The following SYNE1 variants were observed in gnomAD, a reference collection of about 807,000 sequenced individuals.
The protein encoded by SYNE1 is nesprin-1.
A neutral mutation model predicts 1,111.0 loss-of-function variants in SYNE1; 616 were observed. The ratio of observed to expected loss-of-function variants is 0.55; its 90% CI spans 0.52 to 0.59. The LOEUF is 0.59. Among genes scored for constraint, SYNE1 ranks in the 20% least tolerant of loss-of-function variants. The probability of loss-of-function intolerance (pLI) is 0.00; values close to 1 mark genes in which losing one functional copy is unlikely to be tolerated. For missense variants in SYNE1, 10,006 were observed against 10,417.0 expected (o/e 0.96, Z 1.72); for synonymous variants, 3,855 against 3,825.8 (o/e 1.01, Z -0.28).
chr6:152,176,014 ATT>A (rs3215782), intron 130 of SYNE1, among the ~76,000 whole-genome samples: 56 of 142,484 alleles, frequency 3.9e-4, no homozygotes, highest in Admixed American at 4.2e-4. Context: ...AGATTTAGTA[ATT>A]TTTTTTTTTT....
At chr6:152,598,790 A>G (rs1369196021) in intron 3 of SYNE1, among the ~76,000 whole-genome samples, 1 of 152,206 alleles carries the variant, frequency 6.6e-6, no homozygotes, top group Non-Finnish European at 1.5e-5. Flanking sequence ...TATACATTCA[A>G]TATGTGATCT....
In SYNE1 at chr6:152,573,856, C is replaced by G. The variant is rs149270127; in HGVS notation, c.68-33835G>C. Among the ~76,000 whole-genome samples the G allele has an allele frequency of 4.3e-4, 66 of 152,238 alleles. No homozygotes were observed. The East Asian group carries it at 0.012, about 27-fold the overall frequency. ...AGTATGCATCATATACAGCAAACTTCTATGACTAAGAAACAAAACAGGTTC... is the reference window on the plus strand; with the variant it reads ...AGTATGCATCATATACAGCAAACTTGTATGACTAAGAAACAAAACAGGTTC... On this transcript the variant is annotated intron_variant, in intron 3 of 145. Transcript: ENST00000367255.
chr6:152,616,400 T>C (rs902682174), intron 3 of SYNE1, among the ~76,000 whole-genome samples: 2 of 152,030 alleles, frequency 1.3e-5, no homozygotes, highest in Non-Finnish European at 2.9e-5. Context: ...TAGTGAGACC[T>C]CGTCTCTACA....
At chr6:152,137,787 A>T (rs2152762799) in intron 140 of SYNE1, among the ~76,000 whole-genome samples, 1 of 152,336 alleles carries the variant, frequency 6.6e-6, no homozygotes, top group East Asian at 1.9e-4. Flanking sequence ...GAATAGATTC[A>T]ACCACACAGA....
intron 47 of SYNE1, among the ~76,000 whole-genome samples, chr6:152,400,221 T>TA (rs77663853): frequency 0.026 from 3,755 of 144,112 alleles, 63 homozygotes; most frequent in Non-Finnish European, 0.038. Flanking sequence ...GTAGTTAATT[T>TA]AAAAAAAAAA....
At chr6:152,320,539 T>C (rs1409861915) in intron 84 of SYNE1, among the ~76,000 whole-genome samples, 2 of 152,198 alleles carry the variant, frequency 1.3e-5, no homozygotes, top group African/African-American at 4.8e-5. Flanking sequence ...CTATTATATT[T>C]CCATACAGAT....
chr6:152,419,688 G>C lies in SYNE1; in HGVS notation c.5302C>G (p.Gln1768Glu). The change falls in exon 40 of 146, where the codon CAG becomes GAG. Residue 1768 changes from glutamine (Q) to glutamate (E), a missense_variant. Gln to Glu is a conservative substitution (Grantham distance 29, BLOSUM62 2). Transcript: ENST00000367255. Reference sequence around the variant, plus strand: ...GAAAGCAGCAGCTCATCAAATTGCTGGTGTTCAGCAACCACAGACTGAAGA... The same window carrying C: ...GAAAGCAGCAGCTCATCAAATTGCTCGTGTTCAGCAACCACAGACTGAAGA... ...NFLQSVVAEH[Q>E]QFDELLLSFS... 6.2e-7 allele frequency: 1 copy of C among 1,614,028 alleles called. No homozygotes were observed. Among genetic ancestry groups the C allele is most frequent in the Non-Finnish European group, 8.5e-7 (1 of 1,179,968 alleles).
intron 62 of SYNE1, among the ~76,000 whole-genome samples, chr6:152,366,400 A>G (rs1270696298): frequency 6.7e-6 from 1 of 150,230 alleles, no homozygotes; most frequent in Admixed American, 6.6e-5. Flanking sequence ...AGTGGCTCAC[A>G]CCTGTAATCC....
intron 3 of SYNE1, among the ~76,000 whole-genome samples, chr6:152,576,199 G>A (rs1436587347): frequency 2.0e-5 from 3 of 152,140 alleles, no homozygotes; most frequent in African/African-American, 7.2e-5. Flanking sequence ...TGTATCTATA[G>A]GATATAAATA....
At chr6:152,374,053 C>T (rs1014331711) in intron 58 of SYNE1, among the ~76,000 whole-genome samples, 1 of 152,118 alleles carries the variant, frequency 6.6e-6, no homozygotes, top group African/African-American at 2.4e-5. Context: ...CAAATAAATG[C>T]TATTAAATGG....
intron 45 of SYNE1, among the ~76,000 whole-genome samples, 189 bp downstream of exon 45, chr6:152,406,825 G>A (rs904647625): frequency 2.0e-5 from 3 of 151,818 alleles, no homozygotes; most frequent in Non-Finnish European, 4.4e-5. Context: ...CCGAGATCTG[G>A]AGCACCACTG....
chr6:152,323,355 C>T lies in SYNE1; in HGVS notation c.15917+123G>A, dbSNP rs375509368. On this transcript the variant is annotated intron_variant, in intron 82 of 145. Transcript: ENST00000367255. ...CAGAGAGGCTGAGGCAGGAGAATGG[C>T]GTGAACCCGGGAGGCGGAGCTTGCA... 1.2e-4 allele frequency: 171 copies of T among 1,419,140 alleles called. No homozygotes were observed. The African/African-American group carries it at 1.9e-3, about 16-fold the overall frequency. The allele number at this position is 1,419,140 out of a possible 1,614,324, so 87.9% of individuals were successfully genotyped here. A position where few individuals can be genotyped will look rare whatever the true frequency, so the allele number is the denominator to read the frequency against.
chr6:152,525,928 T>G, intron 5 of SYNE1, 152 bp downstream of exon 5: 1 of 709,230 alleles, frequency 1.4e-6, no homozygotes, highest in South Asian at 1.6e-5. Flanking sequence ...CACCTAGAAG[T>G]AGAAGTGCCA....
At chr6:152,543,877 A>G (rs1365008622) in intron 3 of SYNE1, among the ~76,000 whole-genome samples, 3 of 152,222 alleles carry the variant, frequency 2.0e-5, no homozygotes, top group Non-Finnish European at 4.4e-5. Flanking sequence ...GTAATAGGCT[A>G]TATCATGTAG....
intron 87 of SYNE1, chr6:152,315,199 T>C (rs9478312): frequency 6.5e-5 from 2 of 30,680 alleles, no homozygotes; most frequent in Admixed American, 5.7e-4. Flanking sequence ...AGTAGTAACT[T>C]TTTTTTTTTT....
At chr6:152,417,648 A>G (rs2154184179) in intron 40 of SYNE1, among the ~76,000 whole-genome samples, 1 of 152,302 alleles carries the variant, frequency 6.6e-6, no homozygotes, top group East Asian at 1.9e-4. Flanking sequence ...TATATTTTAC[A>G]TTTTAATTTT....
At chr6:152,154,799 T>A (rs948406745) in intron 133 of SYNE1, 93 bp downstream of exon 133, 7 of 1,403,910 alleles carry the variant, frequency 5.0e-6, no homozygotes, top group Non-Finnish European at 7.1e-6. Flanking sequence ...AGATAACATG[T>A]GGTGAACAGC....
At chr6:152,255,308 C>T (rs551510643) in intron 103 of SYNE1, among the ~76,000 whole-genome samples, 2 of 152,192 alleles carry the variant, frequency 1.3e-5, no homozygotes, top group South Asian at 4.2e-4. Flanking sequence ...ATGTAAAGTG[C>T]TATTTAGGAA....
intron 42 of SYNE1, 83 bp downstream of exon 42, chr6:152,413,269 A>G: frequency 7.3e-7 from 1 of 1,368,468 alleles, no homozygotes; most frequent in Non-Finnish European, 1.0e-6. Context: ...ACTACTGATC[A>G]CATCAACACA....
Sources: gnomAD v4.1 joint callset for allele counts (sites outside exome capture counted in the v4.1 genomes callset) on GRCh38, gnomAD v4.1.1 for gene constraint, MANE v1.5 for transcripts, NCBI Gene and HGNC (gene_info 2026-07-23, HGNC 2026-07-21) for gene names.